The following PIEZO2 variants were observed in gnomAD, a reference collection of about 807,000 sequenced individuals.
PIEZO2 encodes the protein piezo type mechanosensitive ion channel component 2.
PIEZO2 carries 172 observed loss-of-function variants against 337.3 expected under a neutral mutation model. That is an observed-to-expected ratio of 0.51 (90% CI 0.45 to 0.58). PIEZO2 has a LOEUF of 0.58. PIEZO2 is among the 20% of genes least tolerant of loss of function. The pLI is 0.00. For synonymous variants in PIEZO2, 1,251 were observed against 1,228.5 expected, an observed-to-expected ratio of 1.02 and a Z score of -0.38; for missense variants, 3,028 against 3,391.3, an observed-to-expected ratio of 0.89 and a Z score of 2.66.
chr18:10,737,571 A>G (rs1040471384), intron 33 of PIEZO2: 4 of 152,248 alleles, frequency 2.6e-5, no homozygotes, highest in African/African-American at 9.6e-5. Flanking sequence ...AAGCACAAAC[A>G]GTATGGATTG....
intron 28 of PIEZO2, among the ~76,000 whole-genome samples, chr18:10,751,429 A>G (rs1208841741): frequency 2.0e-5 from 3 of 152,188 alleles, no homozygotes; most frequent in Non-Finnish European, 4.4e-5. Flanking sequence ...ACAACTCTCA[A>G]TGCTACTCCA....
At chr18:10,686,815 A>G (rs2034564292) in intron 49 of PIEZO2, among the ~76,000 whole-genome samples, 1 of 152,162 alleles carries the variant, frequency 6.6e-6, no homozygotes, top group African/African-American at 2.4e-5. Flanking sequence ...GATGTTTCAG[A>G]CAGTGCAAAG....
intron 1 of PIEZO2, among the ~76,000 whole-genome samples, chr18:11,139,070 AT>A (rs1277591083): frequency 6.6e-6 from 1 of 152,234 alleles, no homozygotes; most frequent in African/African-American, 2.4e-5. Flanking sequence ...ATCTGGAGCT[AT>A]TCATAAAAGC....
At position 10,862,763 on chromosome 18, in the gene PIEZO2, G is replaced by A. The variant is rs2041909877; in HGVS notation, c.493-5552C>T. Among the ~76,000 whole-genome samples, 1 of 152,204 alleles carries A rather than the reference G, an allele frequency of 6.6e-6. No individual in the cohort carries two copies. On this transcript the variant is annotated intron_variant, in intron 5 of 55. Coordinates refer to ENST00000674853, the MANE Select transcript of PIEZO2 (RefSeq NM_001378183.1). The surrounding 1 kb of genome is among the most constrained non-coding windows in gnomAD (Gnocchi z 4.4). Reference sequence around the variant, plus strand: ...ATTAAAGTACTCTCTGGGGTGACCTGAAGCAGCCCCTCCAGAATTCAGGCC... The same window carrying A: ...ATTAAAGTACTCTCTGGGGTGACCTAAAGCAGCCCCTCCAGAATTCAGGCC...
At chr18:10,947,576 C>G (rs1178484493) in intron 3 of PIEZO2, among the ~76,000 whole-genome samples, 1 of 152,070 alleles carries the variant, frequency 6.6e-6, no homozygotes, top group Non-Finnish European at 1.5e-5. Flanking sequence ...GAATTGCTCT[C>G]AAAGAAGAGA....
chr18:10,724,938 C>T lies in PIEZO2; in HGVS notation c.5029+6469G>A. ...AGCCTCCACCTGGACGGCGATGGAA[C>T]CCAGGTGGGCGCACCCTGCGGCCTG... On this transcript the variant is annotated intron_variant, in intron 36 of 55. Coordinates refer to ENST00000674853, the MANE Select transcript of PIEZO2 (RefSeq NM_001378183.1). The surrounding 1 kb of genome is among the most constrained non-coding windows in gnomAD (Gnocchi z 5.8). The T allele has an allele frequency of 6.2e-7, 1 of 1,600,144 alleles. No homozygotes were observed. Among genetic ancestry groups the T allele is most frequent in the Non-Finnish European group, 8.5e-7 (1 of 1,171,184 alleles).
intron 4 of PIEZO2, among the ~76,000 whole-genome samples, chr18:10,881,603 G>C (rs1298496691): frequency 6.6e-6 from 1 of 152,180 alleles, no homozygotes; most frequent in African/African-American, 2.4e-5. Flanking sequence ...GTCTACCACA[G>C]TGGGAGCATC....
chr18:10,767,211 A>G lies in PIEZO2; in HGVS notation c.2946+2937T>C, dbSNP rs1035441832. Among the ~76,000 whole-genome samples the G allele has an allele frequency of 5.3e-5, 8 of 152,206 alleles. No individual in the cohort carries two copies. The highest frequency in any genetic ancestry group is 2.0e-4 in the Admixed American group (3 of 15,284). ...GTATACTATATATATATTTAAATCT[A>G]GATTATTCCAAAGCAGTGTCACTCC... On this transcript the variant is annotated intron_variant, in intron 21 of 55. Coordinates refer to ENST00000674853, the MANE Select transcript of PIEZO2 (RefSeq NM_001378183.1). This position sits in a 1 kb window ranked among gnomAD's most constrained non-coding sequence, Gnocchi z 4.2.
intron 35 of PIEZO2, among the ~76,000 whole-genome samples, chr18:10,733,136 C>T (rs1362677609): frequency 6.6e-6 from 1 of 151,908 alleles, no homozygotes; most frequent in Non-Finnish European, 1.5e-5. Context: ...AGGGTGGGTG[C>T]CATTAACATT....
intron 2 of PIEZO2, among the ~76,000 whole-genome samples, chr18:11,036,892 A>T (rs1441921747): frequency 6.6e-6 from 1 of 152,190 alleles, no homozygotes; most frequent in African/African-American, 2.4e-5. Flanking sequence ...TTATATTGCA[A>T]TAGATATAAA....
rs1696524560 is a variant in PIEZO2, at chr18:10,750,464, T to A, written c.4168-277A>T. 6.6e-6 allele frequency among the ~76,000 whole-genome samples: 1 copy of A among 152,190 alleles called. No individual in the cohort carries two copies. The highest frequency in any genetic ancestry group is 6.5e-5 in the Admixed American group (1 of 15,280). ...TTTATCAAGAAGAAATCTTGGACGA[T>A]CATAGAAATAAATCCCAACTCTGTG... On this transcript the variant is annotated intron_variant, in intron 28 of 55. Transcript: ENST00000674853. The surrounding 1 kb of genome is among the most constrained non-coding windows in gnomAD (Gnocchi z 4.1).
intron 40 of PIEZO2, among the ~76,000 whole-genome samples, 172 bp downstream of exon 40, chr18:10,708,103 G>A (rs1422757591): frequency 6.6e-6 from 1 of 152,184 alleles, no homozygotes; most frequent in Admixed American, 6.5e-5. Context: ...GCTGTCCTGA[G>A]AACAATTACA....
chr18:10,956,839 C>T (rs1470839996), intron 3 of PIEZO2, among the ~76,000 whole-genome samples: 2 of 151,316 alleles, frequency 1.3e-5, no homozygotes, highest in Non-Finnish European at 1.5e-5. Flanking sequence ...CGTGGTGGTG[C>T]GTGCCTGTAA....
intron 36 of PIEZO2, among the ~76,000 whole-genome samples, chr18:10,720,405 ATGTGTATGTG>A (rs1567983776): frequency 4.3e-4 from 5 of 11,600 alleles, no homozygotes; most frequent in African/African-American, 1.7e-3. Context: ...GTGTGTGTGT[ATGTGTATGTG>A]TATGTATATA....
intron 53 of PIEZO2, among the ~76,000 whole-genome samples, chr18:10,675,914 C>T (rs117484168): frequency 0.13 from 19,507 of 152,194 alleles, 1,555 homozygotes; most frequent in Non-Finnish European, 0.17. Context: ...GTAAGATGTG[C>T]CTTTACTCCT....
At chr18:10,776,530 C>T (rs76283222) in intron 18 of PIEZO2, among the ~76,000 whole-genome samples, 4 of 152,094 alleles carry the variant, frequency 2.6e-5, no homozygotes, top group East Asian at 1.9e-4. Flanking sequence ...CTGTCATCAG[C>T]GCCTTCTTTA....
intron 32 of PIEZO2, among the ~76,000 whole-genome samples, chr18:10,741,961 T>G (rs1020126535): frequency 2.8e-4 from 42 of 151,858 alleles, no homozygotes; most frequent in Admixed American, 3.9e-4. Context: ...AGACCATCCG[T>G]GCTAACATGG....
At chr18:10,763,555 G>A (rs1397592147) in intron 21 of PIEZO2, among the ~76,000 whole-genome samples, 1 of 152,178 alleles carries the variant, frequency 6.6e-6, no homozygotes, top group African/African-American at 2.4e-5. Flanking sequence ...AACAACAAAC[G>A]ACTGGAAAGT....
At chr18:10,749,275 C>T (rs1048897168) in intron 29 of PIEZO2, among the ~76,000 whole-genome samples, 4 of 151,950 alleles carry the variant, frequency 2.6e-5, no homozygotes, top group African/African-American at 9.7e-5. Context: ...ACCTGGGCAA[C>T]ATCTCTACAA....
Sources: allele counts gnomAD v4.1 joint callset (sites outside exome capture counted in the v4.1 genomes callset), GRCh38; gene constraint gnomAD v4.1.1; non-coding constraint Gnocchi (gnomAD v3.1); transcripts MANE v1.5; gene names NCBI Gene and HGNC (gene_info 2026-07-23, HGNC 2026-07-21).